THADA: variants seen among roughly 807,000 people sequenced by gnomAD.
The protein encoded by THADA is tRNA (32-2'-O)-methyltransferase regulator THADA.
Under a neutral mutation model 219.8 loss-of-function variants are expected in THADA, and 213 were observed. The observed-to-expected ratio is 0.97, with a 90% CI of 0.87 to 1.09. The LOEUF (loss-of-function observed/expected upper bound fraction) is 1.09. Among genes scored for constraint, THADA ranks in the 50% least tolerant of loss-of-function variants. The pLI is 0.00. For synonymous variants in THADA, 1,018 were observed against 828.9 expected, an observed-to-expected ratio of 1.23 and a Z score of -3.92; for missense variants, 2,956 against 2,311.3, an observed-to-expected ratio of 1.28 and a Z score of -5.72.
rs545925034 is a variant in THADA, at chr2:43,580,252, A to G, written c.721+1489T>C. On this transcript the variant is annotated intron_variant, in intron 8 of 37. Coordinates refer to ENST00000405975, the MANE Select transcript of THADA (RefSeq NM_022065.5). The stretch of plus-strand genomic sequence containing the variant: ...GACAGGATTTCATCATGTTGGCCAG[A>G]ATGGTCTCAATCTCCTGACCTCGTG... 2.2e-4 allele frequency among the ~76,000 whole-genome samples: 33 copies of G among 151,726 alleles called. No homozygotes were observed. In the East Asian group the frequency reaches 2.5e-3, roughly 12 times the overall value.
In THADA at chr2:43,560,377, A is replaced by T; in HGVS notation, c.2320T>A (p.Tyr774Asn). 6.5e-6 allele frequency: 10 copies of T among 1,546,936 alleles called. No homozygotes were observed. Among genetic ancestry groups the T allele is most frequent in the Non-Finnish European group, 8.7e-6 (10 of 1,148,672 alleles). ...EVFHVPEGRIYTVYQLSHDID... is the reference protein window; with the variant it reads ...EVFHVPEGRINTVYQLSHDID... ...TCATGACTCAGCTGATATACTGTATAAATTCTGCCTAAAAATATTTTAAAA... is the reference window on the plus strand; with the variant it reads ...TCATGACTCAGCTGATATACTGTATTAATTCTGCCTAAAAATATTTTAAAA... Residue 774 changes from tyrosine (Y) to asparagine (N), a missense_variant, in exon 16 of 38, where the codon TAT becomes AAT. Coordinates refer to ENST00000405975, the MANE Select transcript of THADA (RefSeq NM_022065.5).
intron 22 of THADA, among the ~76,000 whole-genome samples, chr2:43,521,451 G>A (rs1558904233): frequency 6.6e-6 from 1 of 152,208 alleles, no homozygotes; most frequent in Non-Finnish European, 1.5e-5. Flanking sequence ...AGCTACTCGG[G>A]AGGCTGAGGT....
chr2:43,365,566 G>GAC (rs375762944), intron 29 of THADA, among the ~76,000 whole-genome samples: 10,356 of 143,456 alleles, frequency 0.072, 548 homozygotes, highest in African/African-American at 0.16. Flanking sequence ...GCAAGACTCT[G>GAC]ACACACACAC....
At chr2:43,384,234 T>G (rs996294090) in intron 29 of THADA, among the ~76,000 whole-genome samples, 2 of 152,188 alleles carry the variant, frequency 1.3e-5, no homozygotes, top group African/African-American at 4.8e-5. Flanking sequence ...TTTTCCAGAA[T>G]AGAAGAAGTG....
chr2:43,556,336 A>C lies in THADA; in HGVS notation c.2674+9T>G, dbSNP rs1366593860. 20 of 1,613,370 alleles carry C rather than the reference A, an allele frequency of 1.2e-5. No homozygotes were observed. The highest frequency in any genetic ancestry group is 1.7e-5 in the Non-Finnish European group (20 of 1,179,622). ...ATTCGTTTTGATAAGAGCAAACATC[A>C]ATACAAACCCATTAATGTGTTCCTT... On this transcript the variant is annotated intron_variant, in intron 17 of 37. Coordinates refer to ENST00000405975, the MANE Select transcript of THADA (RefSeq NM_022065.5).
intron 28 of THADA, among the ~76,000 whole-genome samples, chr2:43,423,633 C>T (rs1380916727): frequency 1.3e-5 from 2 of 151,974 alleles, no homozygotes; most frequent in East Asian, 1.9e-4. Context: ...GAGGTTTCAC[C>T]GTGTTAGCCA....
chr2:43,381,784 C>T (rs558528095), intron 29 of THADA, among the ~76,000 whole-genome samples: 1 of 152,056 alleles, frequency 6.6e-6, no homozygotes, highest in South Asian at 2.1e-4. Flanking sequence ...TCACCATGGC[C>T]CCGTTGGCCA....
Position 43,231,054 on chromosome 2 carries a change from G to T in THADA, c.5756C>A (p.Ala1919Asp), listed in dbSNP as rs1307628045. ...TTCCCCTTCCTTTCCTTCCAAAAAG[G>T]CCAGCAGCCTCAAGCAAGCCAAAGT... ...ERTLACLRLL[A>D]FLEGKEGEDT... is the part of the protein sequence containing the mutation. The change falls in exon 38 of 38, where the codon GCC becomes GAC. Residue 1919 changes from alanine to aspartate, a missense_variant. Physicochemically the swap from Ala to Asp is moderately radical, Grantham distance 126. Transcript: ENST00000405975. The T allele has an allele frequency of 6.2e-7, 1 of 1,613,820 alleles. No homozygotes were observed. Among genetic ancestry groups the T allele is most frequent in the Admixed American group, 1.7e-5 (1 of 59,972 alleles).
chr2:43,567,552 A>G (rs968339863), intron 14 of THADA, among the ~76,000 whole-genome samples: 1 of 152,152 alleles, frequency 6.6e-6, no homozygotes, highest in East Asian at 1.9e-4. Flanking sequence ...GCTTGAACCC[A>G]GGAGGCAGAG....
intron 26 of THADA, among the ~76,000 whole-genome samples, chr2:43,473,105 CT>C (rs1346940714): frequency 6.6e-6 from 1 of 151,988 alleles, no homozygotes; most frequent in Non-Finnish European, 1.5e-5. Flanking sequence ...AAATTTTTTC[CT>C]TCTATAGTAA....
intron 21 of THADA, among the ~76,000 whole-genome samples, chr2:43,531,885 C>A (rs1693922600): frequency 6.6e-6 from 1 of 151,670 alleles, no homozygotes; most frequent in Admixed American, 6.6e-5. Context: ...AACCTCTTAG[C>A]AAACTTGGAA....
chr2:43,479,835 C>G (rs1424344562), intron 26 of THADA, among the ~76,000 whole-genome samples: 1 of 152,118 alleles, frequency 6.6e-6, no homozygotes, highest in Non-Finnish European at 1.5e-5. Context: ...CATTCATGCA[C>G]CAAAAAATAC....
intron 22 of THADA, among the ~76,000 whole-genome samples, chr2:43,518,163 C>T (rs756527251): frequency 7.9e-5 from 12 of 152,240 alleles, no homozygotes; most frequent in East Asian, 1.9e-4. Context: ...ACCTATAACA[C>T]GGCCTGATAC....
chr2:43,540,644 T>G (rs1394281689), intron 21 of THADA, among the ~76,000 whole-genome samples: 1 of 152,174 alleles, frequency 6.6e-6, no homozygotes. Context: ...TAAGCTAACT[T>G]CTTGTAAACA....
intron 10 of THADA, 101 bp from the exon 11 acceptor site, chr2:43,575,128 G>C: frequency 1.1e-6 from 1 of 870,722 alleles, no homozygotes; most frequent in Non-Finnish European, 1.7e-6. Context: ...TACACAGAAT[G>C]ACCACAAATT....
intron 26 of THADA, among the ~76,000 whole-genome samples, chr2:43,475,439 A>C (rs1158247172): frequency 6.6e-6 from 1 of 151,794 alleles, no homozygotes; most frequent in Non-Finnish European, 1.5e-5. Flanking sequence ...AAAAAAAAAA[A>C]AAAAAAACCT....
At chr2:43,569,232 C>T (rs900806282) in intron 14 of THADA, among the ~76,000 whole-genome samples, 1 of 152,190 alleles carries the variant, frequency 6.6e-6, no homozygotes, top group Non-Finnish European at 1.5e-5. Flanking sequence ...CTGCCTCAAC[C>T]TCCCAAAGTG....
At position 43,310,234 on chromosome 2, in the gene THADA, C is replaced by CCA. The variant is rs1677354785; in HGVS notation, c.4438+10211_4438+10212insTG. On this transcript the variant is annotated intron_variant, in intron 31 of 37. Transcript: ENST00000405975. Reference sequence around the variant, plus strand: ...CCCTCCCTCCCTTTCCCGCCCCCCCCCCAAACAAGCTGATCCTAAAATTCA... The same window carrying CCA: ...CCCTCCCTCCCTTTCCCGCCCCCCCCCACCAAACAAGCTGATCCTAAAATTCA... 2.3e-5 allele frequency among the ~76,000 whole-genome samples: 3 copies of CCA among 129,168 alleles called. No homozygotes were observed. The Admixed American group carries it at 2.4e-4, about 10-fold the overall frequency. 84.7% of individuals were successfully genotyped at this position (129,168 alleles called of 152,430 possible).
intron 31 of THADA, among the ~76,000 whole-genome samples, chr2:43,306,889 C>T (rs1258663377): frequency 1.3e-5 from 2 of 152,134 alleles, no homozygotes; most frequent in Non-Finnish European, 2.9e-5. Context: ...CTCTTGATAG[C>T]TGCTGTTCTC....
Sources: gnomAD v4.1 joint callset for allele counts (sites outside exome capture counted in the v4.1 genomes callset) on GRCh38, gnomAD v4.1.1 for gene constraint, MANE v1.5 for transcripts, NCBI Gene and HGNC (gene_info 2026-07-23, HGNC 2026-07-21) for gene names.